Variants in CCDC32 observed in about 807,000 individuals in gnomAD.
CCDC32 encodes the protein coiled-coil domain containing 32.
Under a neutral mutation model 20.1 loss-of-function variants are expected in CCDC32, and 9 were observed. That is an observed-to-expected ratio of 0.45 (90% CI 0.27 to 0.78). The LOEUF (loss-of-function observed/expected upper bound fraction) is 0.78. Among genes scored for constraint, CCDC32 ranks in the 30% least tolerant of loss-of-function variants. The pLI is 0.16. For missense variants in CCDC32, 204 were observed against 215.5 expected (o/e 0.95, Z 0.33); for synonymous variants, 63 against 79.0 (o/e 0.80, Z 1.07).
At chr15:40,554,330 T>C (rs1204073275) in intron 3 of CCDC32, among the ~76,000 whole-genome samples, 1 of 152,132 alleles carries the variant, frequency 6.6e-6, no homozygotes, top group Non-Finnish European at 1.5e-5. Flanking sequence ...ATTTACCCCA[T>C]AGTGGGCACT....
chr15:40,542,363 T>A (rs1555414041), intron 3 of CCDC32, among the ~76,000 whole-genome samples: 1 of 152,218 alleles, frequency 6.6e-6, no homozygotes, highest in Admixed American at 6.5e-5. Context: ...CTCTTTTCTA[T>A]GGAAAACAAT....
chr15:40,563,777 A>C (rs1432161960), intron 1 of CCDC32, among the ~76,000 whole-genome samples: 2 of 151,884 alleles, frequency 1.3e-5, no homozygotes, highest in Non-Finnish European at 2.9e-5. Context: ...AAAATGCAAC[A>C]GTTCTATCTC....
downstream of CCDC32, chr15:40,535,689 G>C (rs1889079738): frequency 1.1e-5 from 11 of 968,730 alleles, no homozygotes; most frequent in Non-Finnish European, 1.3e-5. Flanking sequence ...AAGCAGGGAA[G>C]TCATCAGTGT....
intron 2 of CCDC32, among the ~76,000 whole-genome samples, chr15:40,558,546 T>C (rs1890404508): frequency 6.6e-6 from 1 of 152,096 alleles, no homozygotes; most frequent in Non-Finnish European, 1.5e-5. Context: ...AAGGTACTCT[T>C]TTGGGCCGGA....
Position 40,565,015 on chromosome 15 carries a change from G to A in CCDC32, c.-52C>T. 1.8e-6 allele frequency: 1 copy of A among 570,780 alleles called. No homozygotes were observed. Among genetic ancestry groups the A allele is most frequent in the South Asian group, 2.3e-5 (1 of 42,960 alleles). 35.4% of individuals were successfully genotyped at this position (570,780 alleles called of 1,614,324 possible). A position where few individuals can be genotyped will look rare whatever the true frequency, so the allele number is the denominator to read the frequency against. Reference sequence around the variant, plus strand: ...AGTAAACGCTTGGCTCAGCTCTGTCGCCTGTAGCCCGGAGGAAATCGGGAG... The same window carrying A: ...AGTAAACGCTTGGCTCAGCTCTGTCACCTGTAGCCCGGAGGAAATCGGGAG... On this transcript the variant is annotated 5_prime_UTR_variant, in exon 1 of 4. Coordinates refer to ENST00000416810, the MANE Select transcript of CCDC32 (RefSeq NM_001080792.4).
intron 1 of CCDC32, among the ~76,000 whole-genome samples, chr15:40,563,729 G>C (rs1029612223): frequency 6.6e-6 from 1 of 151,720 alleles, no homozygotes; most frequent in Admixed American, 6.6e-5. Flanking sequence ...GCATTTCCAG[G>C]TTGGACAACC....
At chr15:40,539,062 G>C (rs1483176488), downstream of CCDC32, 1 of 608,934 alleles carries the variant, frequency 1.6e-6, no homozygotes, top group Non-Finnish European at 2.9e-6. Context: ...CTCGCCAGCT[G>C]TCCCACTTCT....
intron 3 of CCDC32, among the ~76,000 whole-genome samples, chr15:40,556,250 G>A (rs933581518): frequency 2.0e-4 from 31 of 152,130 alleles, no homozygotes; most frequent in African/African-American, 6.5e-4. Context: ...TCCCTCTATG[G>A]CAAAACACCA....
chr15:40,541,025 G>T (rs981644377), intron 3 of CCDC32, among the ~76,000 whole-genome samples: 1 of 152,152 alleles, frequency 6.6e-6, no homozygotes, highest in African/African-American at 2.4e-5. Context: ...CAAAGGTCCC[G>T]CACAGCCCTG....
chr15:40,524,323 ATT>A (rs1237275707), downstream of CCDC32, among the ~76,000 whole-genome samples: 7 of 151,532 alleles, frequency 4.6e-5, no homozygotes, highest in Middle Eastern at 3.4e-3. Context: ...CGCCCAGCTA[ATT>A]TTTTGTATTT....
At chr15:40,560,372 G>A (rs975380116) in intron 2 of CCDC32, among the ~76,000 whole-genome samples, 13 of 152,066 alleles carry the variant, frequency 8.5e-5, no homozygotes, top group African/African-American at 2.7e-4. Flanking sequence ...TAAATAAATC[G>A]GATCTAATTA....
In CCDC32 at chr15:40,563,702, AC is replaced by A. The variant is rs1566987093; in HGVS notation, c.-12-676del. ...AACACACACACACACACACACACAC[AC>A]ACACAAATCTGTAGGGCATTTCCAG... On this transcript the variant is annotated intron_variant, in intron 1 of 3. Transcript: ENST00000416810. Among the ~76,000 whole-genome samples the A allele has an allele frequency of 1.2e-3, 187 of 151,966 alleles. 1 individual carries two copies. The highest frequency in any genetic ancestry group is 0.01 in the Middle Eastern group (3 of 294).
intron 3 of CCDC32, among the ~76,000 whole-genome samples, chr15:40,539,948 G>A (rs1469217327): frequency 1.3e-5 from 2 of 150,966 alleles, no homozygotes; most frequent in Non-Finnish European, 2.9e-5. Context: ...GCCTCACTTC[G>A]CCCAGGTGGT....
At chr15:40,552,885 C>G (rs1198809874), downstream of CCDC32, 1 of 148,864 alleles carries the variant, frequency 6.7e-6, no homozygotes, top group African/African-American at 2.5e-5. Context: ...CCCTACTGAT[C>G]TTTAGGGATT....
chr15:40,563,707 C>A (rs1377394), intron 1 of CCDC32, among the ~76,000 whole-genome samples: 12 of 82,500 alleles, frequency 1.5e-4, no homozygotes, highest in Non-Finnish European at 2.8e-4. Flanking sequence ...CACACACACA[C>A]AAATCTGTAG....
At chr15:40,537,221 A>C (rs1270999129), downstream of CCDC32, 1 of 152,316 alleles carries the variant, frequency 6.6e-6, no homozygotes, top group South Asian at 2.1e-4. Context: ...CTGTGACTTT[A>C]TCAGTATCCC....
chr15:40,533,924 G>A (rs751758451), downstream of CCDC32, among the ~76,000 whole-genome samples: 52 of 152,238 alleles, frequency 3.4e-4, no homozygotes, highest in African/African-American at 8.7e-4. Flanking sequence ...TCGCTATGCC[G>A]TTAGAAAGCA....
At chr15:40,528,091 A>G (rs1174978717), downstream of CCDC32, among the ~76,000 whole-genome samples, 1 of 152,252 alleles carries the variant, frequency 6.6e-6, no homozygotes, top group Non-Finnish European at 1.5e-5. Context: ...ATACTGACTG[A>G]GCAGTTTACA....
intron 2 of CCDC32, among the ~76,000 whole-genome samples, chr15:40,561,218 T>G (rs1462584200): frequency 1.3e-5 from 2 of 152,100 alleles, no homozygotes; most frequent in African/African-American, 2.4e-5. Context: ...CTCACACCTG[T>G]AATCCCAGCA....
Sources: allele counts gnomAD v4.1 joint callset (sites outside exome capture counted in the v4.1 genomes callset), GRCh38; gene constraint gnomAD v4.1.1; transcripts MANE v1.5; gene names NCBI Gene and HGNC (gene_info 2026-07-23, HGNC 2026-07-21).